The following MRPL37 variants were observed in gnomAD, a reference collection of about 807,000 sequenced individuals.
MRPL37 encodes the protein large ribosomal subunit protein mL37.
In MRPL37, 34 loss-of-function variants were observed where a neutral mutation model predicts 44.1. That is an observed-to-expected ratio of 0.77 (90% CI 0.59 to 1.03). The LOEUF (loss-of-function observed/expected upper bound fraction) is 1.03. MRPL37 is among the 50% of genes least tolerant of loss of function. The pLI is 0.00. For synonymous variants in MRPL37, 212 were observed against 219.5 expected, an observed-to-expected ratio of 0.97 and a Z score of 0.30; for missense variants, 532 against 543.7, an observed-to-expected ratio of 0.98 and a Z score of 0.21.
downstream of MRPL37, among the ~76,000 whole-genome samples, chr1:54,223,836 AGAGCTCTGG>A (rs1644254292): frequency 1.3e-5 from 2 of 152,176 alleles, no homozygotes; most frequent in Non-Finnish European, 2.9e-5. Context: ...TGGCTCATGT[AGAGCTCTGG>A]CCTGGCCCCA....
At chr1:54,222,778 G>A (rs1644244726), downstream of MRPL37, among the ~76,000 whole-genome samples, 1 of 152,168 alleles carries the variant, frequency 6.6e-6, no homozygotes, top group African/African-American at 2.4e-5. Flanking sequence ...CCTACTTGAT[G>A]TCTTTACTGG....
At chr1:54,219,274 C>CTGA (rs1644218497), downstream of MRPL37, among the ~76,000 whole-genome samples, 2 of 152,254 alleles carry the variant, frequency 1.3e-5, no homozygotes, top group Non-Finnish European at 2.9e-5. Context: ...GTAATTCCTG[C>CTGA]TGAGGGACTG....
intron 1 of MRPL37, among the ~76,000 whole-genome samples, chr1:54,202,781 G>C (rs1366527952): frequency 1.3e-5 from 2 of 152,208 alleles, no homozygotes; most frequent in Admixed American, 1.3e-4. Context: ...ATGAGCCACT[G>C]TGTCTGGCCC....
At chr1:54,221,143 A>AGTT (rs1644230978), downstream of MRPL37, among the ~76,000 whole-genome samples, 1 of 119,136 alleles carries the variant, frequency 8.4e-6, no homozygotes, top group Non-Finnish European at 1.8e-5. Context: ...ATGGGTTTGG[A>AGTT]GTTCTTCTTA....
chr1:54,215,733 A>G (rs2100514824), intron 5 of MRPL37, among the ~76,000 whole-genome samples: 1 of 152,284 alleles, frequency 6.6e-6, no homozygotes, highest in Middle Eastern at 3.4e-3. Context: ...ATGAGATTAT[A>G]TCTATCCGTT....
downstream of MRPL37, among the ~76,000 whole-genome samples, chr1:54,223,113 A>C (rs1170318576): frequency 6.6e-6 from 1 of 152,208 alleles, no homozygotes; most frequent in Non-Finnish European, 1.5e-5. Flanking sequence ...TAGAGAGAAC[A>C]CAACCTCTGC....
intron 5 of MRPL37, among the ~76,000 whole-genome samples, chr1:54,215,682 G>A (rs978789875): frequency 1.3e-5 from 2 of 152,172 alleles, no homozygotes; most frequent in African/African-American, 4.8e-5. Context: ...TTACCTCACT[G>A]AGTCTCAGTT....
chr1:54,225,387 T>C (rs956458232), downstream of MRPL37: 1 of 1,233,876 alleles, frequency 8.1e-7, no homozygotes, highest in Non-Finnish European at 1.0e-6. Flanking sequence ...TTGTAATCAG[T>C]GTAATAAACT....
At position 54,218,348 on chromosome 1, in the gene MRPL37, C is replaced by T; in HGVS notation, c.*99C>T. On this transcript the variant is annotated 3_prime_UTR_variant, in exon 7 of 7. Transcript: ENST00000360840. ...CTCAGTGCCCGTTTGGCCTGCTGCT[C>T]TCGCTGACAATAAAGAGCCCTTGCG... The T allele has an allele frequency of 6.3e-7, 1 of 1,592,780 alleles. No homozygotes were observed. The highest frequency in any genetic ancestry group is 8.5e-7 in the Non-Finnish European group (1 of 1,172,490).
intron 1 of MRPL37, among the ~76,000 whole-genome samples, chr1:54,204,212 G>C (rs1176626224): frequency 6.6e-6 from 1 of 152,094 alleles, no homozygotes; most frequent in African/African-American, 2.4e-5. Flanking sequence ...GTGAAACCCT[G>C]TCTCTACTAA....
chr1:54,213,010 C>T lies in MRPL37; in HGVS notation c.990+352C>T, dbSNP rs17110125. On this transcript the variant is annotated intron_variant, in intron 5 of 6. Transcript: ENST00000360840. ...AGCTAGGTCTGCCCCACTCTGAAGT[C>T]TTCAGTTGTTTGTGCTGCAGCATGC... Among the ~76,000 whole-genome samples, 981 of 152,334 alleles carry T rather than the reference C, an allele frequency of 6.4e-3. 14 individuals carry two copies. The highest frequency in any genetic ancestry group is 0.023 in the African/African-American group (942 of 41,586).
chr1:54,201,270 TA>T lies in MRPL37; in HGVS notation c.346+682del, dbSNP rs573146598. Among the ~76,000 whole-genome samples the T allele has an allele frequency of 5.6e-4, 85 of 152,100 alleles. 2 individuals carry two copies. In the Middle Eastern group the frequency reaches 0.024, roughly 43 times the overall value. On this transcript the variant is annotated intron_variant, in intron 1 of 6. Transcript: ENST00000360840. ...GAAACAGTATTTTCCAAGGAGTGATTAGGGGGGAAAAAAAAGGCAAATCTGG... is the reference window on the plus strand; with the variant it reads ...GAAACAGTATTTTCCAAGGAGTGATTGGGGGGAAAAAAAAGGCAAATCTGG...
chr1:54,221,239 C>T (rs1304198050), downstream of MRPL37, among the ~76,000 whole-genome samples: 1 of 147,314 alleles, frequency 6.8e-6, no homozygotes, highest in Admixed American at 6.8e-5. Context: ...TCAGGCTGGA[C>T]CTGGGGCAAG....
downstream of MRPL37, among the ~76,000 whole-genome samples, chr1:54,222,162 A>C (rs758616985): frequency 6.6e-6 from 1 of 152,220 alleles, no homozygotes; most frequent in Non-Finnish European, 1.5e-5. Context: ...AATTCTCAGG[A>C]CGAAGAGGGC....
intron 1 of MRPL37, among the ~76,000 whole-genome samples, chr1:54,202,482 C>T (rs1644091872): frequency 1.3e-5 from 2 of 152,038 alleles, no homozygotes; most frequent in African/African-American, 4.8e-5. Flanking sequence ...CTCTTTCCTT[C>T]CTTCCTTTCT....
At chr1:54,225,010 G>T, downstream of MRPL37, 6 of 1,070,684 alleles carry the variant, frequency 5.6e-6, no homozygotes, top group Non-Finnish European at 7.1e-6. Context: ...GGGGCCTGGG[G>T]TGAAGCCAGT....
In MRPL37 at chr1:54,205,387, C is replaced by T. The variant is rs763059387; in HGVS notation, c.623C>T (p.Thr208Met). The change falls in exon 3 of 7, where the codon ACG becomes ATG. Residue 208 changes from threonine (T) to methionine (M), a missense_variant. Thr to Met is a moderately conservative substitution (Grantham distance 81). Transcript: ENST00000360840. ...AGGAGGATCTGTGTCCAAAACTCCA[C>T]GTTTTCTGCTACCTGGAACCGAGGT... Reference protein sequence around the residue: ...LARRICVQNSTFSATWNRESL... With the variant: ...LARRICVQNSMFSATWNRESL... The T allele has an allele frequency of 4.0e-5, 64 of 1,613,862 alleles. No individual in the cohort carries two copies. Among genetic ancestry groups the T allele is most frequent in the Non-Finnish European group, 5.2e-5 (61 of 1,179,928 alleles).
intron 3 of MRPL37, among the ~76,000 whole-genome samples, chr1:54,207,029 G>A (rs1644129056): frequency 6.6e-6 from 1 of 152,192 alleles, no homozygotes; most frequent in Non-Finnish European, 1.5e-5. Context: ...CGGGAATACA[G>A]GCGTGAGCCA....
At chr1:54,204,921 G>A (rs1202675604) in intron 1 of MRPL37, 97 bp from the exon 2 acceptor site, 3 of 1,390,234 alleles carry the variant, frequency 2.2e-6, no homozygotes, top group Non-Finnish European at 2.9e-6. Context: ...TCTCACTTGA[G>A]GCAGCCTTTT....
Sources: gnomAD v4.1 joint callset for allele counts (sites outside exome capture counted in the v4.1 genomes callset) on GRCh38, gnomAD v4.1.1 for gene constraint, MANE v1.5 for transcripts, NCBI Gene and HGNC (gene_info 2026-07-23, HGNC 2026-07-21) for gene names.